C1QTNF3: variants seen among roughly 807,000 people sequenced by gnomAD.
The protein encoded by C1QTNF3 is C1q and TNF related 3, also known as complement C1q tumor necrosis factor-related protein 3.
Under a neutral mutation model 32.6 loss-of-function variants are expected in C1QTNF3, and 26 were observed. That is an observed-to-expected ratio of 0.80 (90% CI 0.58 to 1.11). The LOEUF is 1.11. Among genes scored for constraint, C1QTNF3 ranks in the 50% least tolerant of loss-of-function variants. The probability of loss-of-function intolerance (pLI) is 0.00; values close to 1 mark genes in which losing one functional copy is unlikely to be tolerated. For synonymous variants in C1QTNF3, 155 were observed against 146.0 expected, an observed-to-expected ratio of 1.06 and a Z score of -0.44; for missense variants, 362 against 398.2, an observed-to-expected ratio of 0.91 and a Z score of 0.77.
the C1QTNF3 span, among the ~76,000 whole-genome samples, chr5:34,150,342 C>T: frequency 1.3e-4 from 14 of 110,018 alleles, no homozygotes; most frequent in Non-Finnish European, 2.4e-4. Context: ...GAACTCAGCT[C>T]TGCACGAAGC....
chr5:34,050,514 A>G, the C1QTNF3 span, among the ~76,000 whole-genome samples: 1 of 152,150 alleles, frequency 6.6e-6, no homozygotes, highest in Non-Finnish European at 1.5e-5. Context: ...CTAATCTTCC[A>G]TGTTGACTTC....
intron 1 of C1QTNF3, among the ~76,000 whole-genome samples, chr5:34,036,930 C>T (rs994754239): frequency 1.1e-4 from 17 of 151,402 alleles, no homozygotes; most frequent in African/African-American, 3.6e-4. Context: ...CCAGCCTGGG[C>T]GACAAGAGCA....
At chr5:34,154,644 T>C in the C1QTNF3 span, among the ~76,000 whole-genome samples, 6 of 152,184 alleles carry the variant, frequency 3.9e-5, no homozygotes, top group Admixed American at 3.3e-4. Flanking sequence ...CATTAATAAT[T>C]CACTTAATCT....
chr5:34,177,610 C>T, the C1QTNF3 span, among the ~76,000 whole-genome samples: 21 of 151,794 alleles, frequency 1.4e-4, no homozygotes, highest in East Asian at 4.1e-3. Context: ...CTTTAGCCTC[C>T]TGAGTAGCTG....
At chr5:34,065,616 G>A in the C1QTNF3 span, among the ~76,000 whole-genome samples, 13 of 151,592 alleles carry the variant, frequency 8.6e-5, no homozygotes, top group Non-Finnish European at 1.6e-4. Context: ...GCAGTTACCC[G>A]AAATCAAACC....
rs1754244177 is a variant in C1QTNF3, at chr5:34,018,326, C to T, written c.*2257G>A. Among the ~76,000 whole-genome samples, 1 of 152,138 alleles carries T rather than the reference C, an allele frequency of 6.6e-6. No individual in the cohort carries two copies. On this transcript the variant is annotated 3_prime_UTR_variant, in exon 6 of 6. Coordinates refer to ENST00000382065, the MANE Select transcript of C1QTNF3 (RefSeq NM_181435.6). Reference sequence around the variant, plus strand: ...CTCTGGCCATCAGATATTATCTTTTCCACAAGCTTTTCTTATGCTCTCAGC... The same window carrying T: ...CTCTGGCCATCAGATATTATCTTTTTCACAAGCTTTTCTTATGCTCTCAGC...
the C1QTNF3 span, among the ~76,000 whole-genome samples, chr5:34,240,267 A>T: frequency 6.6e-6 from 1 of 152,008 alleles, no homozygotes; most frequent in Non-Finnish European, 1.5e-5. Flanking sequence ...AGGAATGAAA[A>T]GAAACAACTA....
chr5:34,127,778 C>T, the C1QTNF3 span, among the ~76,000 whole-genome samples: 1 of 151,466 alleles, frequency 6.6e-6, no homozygotes, highest in African/African-American at 2.4e-5. Flanking sequence ...AGTGTACAGT[C>T]ACATGCATTC....
the C1QTNF3 span, among the ~76,000 whole-genome samples, chr5:34,088,687 T>C: frequency 3.9e-5 from 6 of 152,198 alleles, no homozygotes; most frequent in Non-Finnish European, 5.9e-5. Flanking sequence ...TGTTTGTTTG[T>C]TTGTTTATGA....
the C1QTNF3 span, among the ~76,000 whole-genome samples, chr5:34,076,924 G>A: frequency 6.6e-6 from 1 of 151,570 alleles, no homozygotes. Context: ...CATGATTTAT[G>A]GCAAGATTCA....
the C1QTNF3 span, among the ~76,000 whole-genome samples, chr5:34,063,732 A>G: frequency 6.6e-6 from 1 of 152,172 alleles, no homozygotes; most frequent in Non-Finnish European, 1.5e-5. Flanking sequence ...ATGCCTAAGG[A>G]TGCAGCATAA....
At chr5:34,146,103 G>A in the C1QTNF3 span, among the ~76,000 whole-genome samples, 360 of 152,110 alleles carry the variant, frequency 2.4e-3, 2 homozygotes, top group African/African-American at 7.8e-3. Flanking sequence ...CAAGACAAAG[G>A]TGCCCACTCT....
chr5:34,224,250 C>T, the C1QTNF3 span, among the ~76,000 whole-genome samples: 1 of 152,152 alleles, frequency 6.6e-6, no homozygotes, highest in Non-Finnish European at 1.5e-5. Flanking sequence ...AGATTCAATG[C>T]CATCCCCATC....
intron 5 of C1QTNF3, among the ~76,000 whole-genome samples, chr5:34,021,351 G>A (rs1754324287): frequency 1.3e-5 from 2 of 152,196 alleles, no homozygotes; most frequent in African/African-American, 2.4e-5. Flanking sequence ...AATGCCTGTA[G>A]GGTAAGAAAG....
At chr5:34,111,090 C>CT in the C1QTNF3 span, among the ~76,000 whole-genome samples, 153 of 152,204 alleles carry the variant, frequency 1.0e-3, no homozygotes, top group Middle Eastern at 0.01. Context: ...GATGATGGCT[C>CT]TTGAAAGTAT....
chr5:34,145,150 T>C, the C1QTNF3 span, among the ~76,000 whole-genome samples: 1 of 151,288 alleles, frequency 6.6e-6, no homozygotes, highest in Non-Finnish European at 1.5e-5. Flanking sequence ...TAAAATAAAA[T>C]AAAAATAAAC....
At chr5:34,142,904 T>C in the C1QTNF3 span, among the ~76,000 whole-genome samples, 1 of 152,236 alleles carries the variant, frequency 6.6e-6, no homozygotes, top group African/African-American at 2.4e-5. Flanking sequence ...AGGAGTCCAC[T>C]AGCTCCCTGG....
chr5:34,043,198 T>C lies in C1QTNF3; in HGVS notation c.-73A>G. ...CAGGAGCGTGGTCTCCTCGGGCAGATGCCAGGACTGGAGCTGAGAGCTGCA... is the reference window on the plus strand; with the variant it reads ...CAGGAGCGTGGTCTCCTCGGGCAGACGCCAGGACTGGAGCTGAGAGCTGCA... On this transcript the variant is annotated 5_prime_UTR_variant, in exon 1 of 6. Coordinates refer to ENST00000382065, the MANE Select transcript of C1QTNF3 (RefSeq NM_181435.6). 6.7e-7 allele frequency: 1 copy of C among 1,481,496 alleles called. No individual in the cohort carries two copies. The highest frequency in any genetic ancestry group is 9.1e-7 in the Non-Finnish European group (1 of 1,100,098). 91.8% of individuals were successfully genotyped at this position (1,481,496 alleles called of 1,614,324 possible). A position where few individuals can be genotyped will look rare whatever the true frequency, so the allele number is the denominator to read the frequency against.
At chr5:34,132,110 G>C in the C1QTNF3 span, among the ~76,000 whole-genome samples, 1 of 152,048 alleles carries the variant, frequency 6.6e-6, no homozygotes, top group Non-Finnish European at 1.5e-5. Context: ...TAGCTGGCTG[G>C]GTGCAGTGGC....
Sources: allele counts gnomAD v4.1 joint callset (sites outside exome capture counted in the v4.1 genomes callset), GRCh38; gene constraint gnomAD v4.1.1; transcripts MANE v1.5; gene names NCBI Gene and HGNC (gene_info 2026-07-23, HGNC 2026-07-21).